The following NLK variants were observed in gnomAD, a reference collection of about 807,000 sequenced individuals.
NLK encodes the protein nemo like kinase.
NLK carries 11 observed loss-of-function variants against 59.0 expected under a neutral mutation model. The observed-to-expected ratio is 0.19, with a 90% confidence interval of 0.12 to 0.31. NLK has a LOEUF of 0.31. Among genes scored for constraint, NLK ranks in the 10% least tolerant of loss-of-function variants. The pLI, the probability that NLK is intolerant of heterozygous loss-of-function variation, is 1.00. For synonymous variants in NLK, 235 were observed against 235.9 expected, an observed-to-expected ratio of 1.00 and a Z score of 0.03; for missense variants, 410 against 661.1, an observed-to-expected ratio of 0.62 and a Z score of 4.16.
At chr17:28,200,774 G>A (rs190564243), downstream of NLK, among the ~76,000 whole-genome samples, 366 of 152,230 alleles carry the variant, frequency 2.4e-3, 5 homozygotes, top group Admixed American at 0.023. Context: ...AAGCCACCAC[G>A]CCCGGCCAAC....
At chr17:28,142,277 A>G (rs1269851864) in intron 3 of NLK, among the ~76,000 whole-genome samples, 1 of 151,872 alleles carries the variant, frequency 6.6e-6, no homozygotes, top group African/African-American at 2.4e-5. Context: ...TTAATTTTTG[A>G]CATTCTATAC....
chr17:28,176,919 AC>A (rs756102216), intron 7 of NLK, among the ~76,000 whole-genome samples: 11 of 152,086 alleles, frequency 7.2e-5, no homozygotes, highest in East Asian at 3.8e-4. Flanking sequence ...TGCCAACTCC[AC>A]CCCCCTAACC....
At chr17:28,096,850 T>C (rs1399294352) in intron 1 of NLK, among the ~76,000 whole-genome samples, 1 of 152,218 alleles carries the variant, frequency 6.6e-6, no homozygotes, top group Non-Finnish European at 1.5e-5. Flanking sequence ...AGATAGAGAA[T>C]TGCTTCCTTT....
At chr17:28,170,738 A>G (rs1160443234) in intron 6 of NLK, among the ~76,000 whole-genome samples, 1 of 152,238 alleles carries the variant, frequency 6.6e-6, no homozygotes, top group South Asian at 2.1e-4. Flanking sequence ...TTCAAATCCT[A>G]TATATGGAAC....
chr17:28,103,334 A>G, intron 1 of NLK, among the ~76,000 whole-genome samples: 1 of 152,162 alleles, frequency 6.6e-6, no homozygotes, highest in Admixed American at 6.5e-5. Context: ...ATCTTTTTGC[A>G]CTCAAACTTT....
intron 1 of NLK, among the ~76,000 whole-genome samples, chr17:28,079,887 C>G (rs1349895015): frequency 1.3e-5 from 2 of 152,158 alleles, no homozygotes; most frequent in Admixed American, 1.3e-4. Context: ...GAAATAATTG[C>G]CAAATCCAAT....
chr17:28,127,003 C>A (rs1009015179), intron 2 of NLK, among the ~76,000 whole-genome samples: 5 of 152,092 alleles, frequency 3.3e-5, no homozygotes, highest in African/African-American at 1.2e-4. Context: ...ATTTTAATGT[C>A]ATTTTAGGCT....
intron 7 of NLK, among the ~76,000 whole-genome samples, chr17:28,174,594 T>G (rs1332276427): frequency 6.6e-6 from 1 of 152,216 alleles, no homozygotes; most frequent in African/African-American, 2.4e-5. Context: ...CAGATGTTCA[T>G]GGTCTTTTAG....
At chr17:28,062,870 T>C (rs577755792) in intron 1 of NLK, among the ~76,000 whole-genome samples, 15 of 152,324 alleles carry the variant, frequency 9.8e-5, no homozygotes, top group African/African-American at 3.6e-4. Context: ...CGTGAGCCAC[T>C]GCACCCTGCC....
At chr17:28,093,061 G>A (rs144924964) in intron 1 of NLK, among the ~76,000 whole-genome samples, 7,598 of 152,040 alleles carry the variant, frequency 0.05, 251 homozygotes, top group Middle Eastern at 0.11. Flanking sequence ...CCAAAGTGCT[G>A]GGATTACAGG....
At chr17:28,084,458 C>T (rs1411833148) in intron 1 of NLK, among the ~76,000 whole-genome samples, 1 of 152,170 alleles carries the variant, frequency 6.6e-6, no homozygotes, top group Non-Finnish European at 1.5e-5. Flanking sequence ...AACCCAGCCT[C>T]CTAAGTGCCA....
At chr17:28,043,816 G>A (rs992845768) in intron 1 of NLK, among the ~76,000 whole-genome samples, 2 of 152,196 alleles carry the variant, frequency 1.3e-5, no homozygotes, top group African/African-American at 4.8e-5. Context: ...TTGATCTCCA[G>A]AAGAAAGATA....
chr17:28,111,900 TG>T (rs1567717095), intron 1 of NLK, among the ~76,000 whole-genome samples: 10 of 99,600 alleles, frequency 1.0e-4, no homozygotes, highest in Non-Finnish European at 1.7e-4. Flanking sequence ...GTGTGTGGTG[TG>T]TGTGTGTGTG....
chr17:28,174,204 A>G (rs1040325835), intron 7 of NLK, among the ~76,000 whole-genome samples: 17 of 152,204 alleles, frequency 1.1e-4, no homozygotes, highest in African/African-American at 4.1e-4. Context: ...TTTCCATGAA[A>G]TAAAAAAAGG....
chr17:28,061,861 T>C (rs1463298369), intron 1 of NLK: 1 of 145,444 alleles, frequency 6.9e-6, no homozygotes, highest in Non-Finnish European at 1.5e-5. Flanking sequence ...ATATAATATA[T>C]ACATATACAT....
intron 1 of NLK, among the ~76,000 whole-genome samples, chr17:28,065,460 AACAAGAG>A (rs1203891890): frequency 6.6e-6 from 1 of 152,160 alleles, no homozygotes; most frequent in African/African-American, 2.4e-5. Flanking sequence ...AAGAGATGAG[AACAAGAG>A]GTTGGATTAT....
intron 4 of NLK, among the ~76,000 whole-genome samples, chr17:28,162,334 T>TA (rs1024635005): frequency 1.1e-4 from 17 of 151,974 alleles, no homozygotes; most frequent in Non-Finnish European, 5.9e-5. Context: ...ATATTAAAAC[T>TA]AAAAAACTCA....
chr17:28,087,888 T>C (rs893686955), intron 1 of NLK, among the ~76,000 whole-genome samples: 5 of 152,170 alleles, frequency 3.3e-5, no homozygotes, highest in Admixed American at 1.3e-4. Flanking sequence ...TCATGAGAGA[T>C]TTGATAATCA....
At chr17:28,149,629 A>G (rs532640900) in intron 3 of NLK, among the ~76,000 whole-genome samples, 1 of 152,314 alleles carries the variant, frequency 6.6e-6, no homozygotes, top group East Asian at 1.9e-4. Flanking sequence ...TGGTGGCTCT[A>G]TGATGGCAAG....
Sources: gnomAD v4.1 joint callset for allele counts (sites outside exome capture counted in the v4.1 genomes callset) on GRCh38, gnomAD v4.1.1 for gene constraint, MANE v1.5 for transcripts, NCBI Gene and HGNC (gene_info 2026-07-23, HGNC 2026-07-21) for gene names.